NEGR1: variants seen among roughly 807,000 people sequenced by gnomAD.
NEGR1 encodes IgLON family member 4.
Under a neutral mutation model 40.9 loss-of-function variants are expected in NEGR1, and 10 were observed. That is an observed-to-expected ratio of 0.24 (90% CI 0.15 to 0.42). The LOEUF (loss-of-function observed/expected upper bound fraction) is 0.42, where lower values mean the gene tolerates loss of function less well. Among genes scored for constraint, NEGR1 ranks in the 10% least tolerant of loss-of-function variants. NEGR1 has a pLI of 1.00. For missense variants in NEGR1, 352 were observed against 438.9 expected (o/e 0.80, Z 1.77); for synonymous variants, 185 against 166.8 (o/e 1.11, Z -0.84).
At chr1:72,269,775 T>C (rs12137231) in intron 1 of NEGR1, among the ~76,000 whole-genome samples, 52,623 of 151,200 alleles carry the variant, frequency 0.35, 11,422 homozygotes, top group Non-Finnish European at 0.49. Flanking sequence ...ATATCTATAG[T>C]AGTTTTAAAA....
At chr1:71,728,539 A>G (rs1654749913) in intron 3 of NEGR1, among the ~76,000 whole-genome samples, 1 of 152,068 alleles carries the variant, frequency 6.6e-6, no homozygotes, top group South Asian at 2.1e-4. Flanking sequence ...CATGTTCTCA[A>G]CATATTTTTT....
intron 3 of NEGR1, among the ~76,000 whole-genome samples, chr1:71,700,258 A>G (rs1272054621): frequency 6.6e-6 from 1 of 152,024 alleles, no homozygotes; most frequent in African/African-American, 2.4e-5. Context: ...GAATAAGATT[A>G]TGATAGTTAA....
At chr1:72,012,386 T>C (rs1268930712) in intron 1 of NEGR1, among the ~76,000 whole-genome samples, 1 of 152,036 alleles carries the variant, frequency 6.6e-6, no homozygotes, top group Non-Finnish European at 1.5e-5. Context: ...AAAGATATTA[T>C]AAAAGTGTCA....
intron 6 of NEGR1, among the ~76,000 whole-genome samples, chr1:71,439,296 G>C (rs759979698): frequency 2.6e-5 from 4 of 152,158 alleles, no homozygotes; most frequent in Non-Finnish European, 4.4e-5. Context: ...ACGAGCAAAA[G>C]TGGAAGGTGT....
intron 1 of NEGR1, chr1:72,274,847 C>T: frequency 6.4e-7 from 1 of 1,568,156 alleles, no homozygotes; most frequent in Non-Finnish European, 8.8e-7. Flanking sequence ...CTCAGCCACC[C>T]CATCAAGAAC....
chr1:72,211,012 A>G (rs1253254094), intron 1 of NEGR1, among the ~76,000 whole-genome samples: 11 of 151,810 alleles, frequency 7.2e-5, no homozygotes, highest in Admixed American at 2.0e-4. Flanking sequence ...GAAATTATAT[A>G]CAATAAACAT....
intron 1 of NEGR1, among the ~76,000 whole-genome samples, chr1:72,240,922 C>A (rs1654712079): frequency 6.6e-6 from 1 of 151,566 alleles, no homozygotes; most frequent in Non-Finnish European, 1.5e-5. Context: ...TGTTTCCTAA[C>A]TTTAAACAGT....
At chr1:71,677,252 T>C (rs1376449845) in intron 4 of NEGR1, among the ~76,000 whole-genome samples, 2 of 152,158 alleles carry the variant, frequency 1.3e-5, no homozygotes, top group Admixed American at 1.3e-4. Flanking sequence ...GAGCCATTTG[T>C]TCCCACAATC....
intron 1 of NEGR1, among the ~76,000 whole-genome samples, chr1:72,266,135 G>C: frequency 6.6e-6 from 1 of 150,748 alleles, no homozygotes; most frequent in Non-Finnish European, 1.5e-5. Flanking sequence ...TATATTTACA[G>C]AAAAGTGTGC....
chr1:72,040,869 A>G (rs898401846), intron 1 of NEGR1, among the ~76,000 whole-genome samples: 6 of 151,954 alleles, frequency 3.9e-5, no homozygotes, highest in Admixed American at 2.0e-4. Context: ...CAGGACATCA[A>G]TTTTATAATC....
chr1:71,972,976 A>C (rs1646270398), intron 1 of NEGR1, among the ~76,000 whole-genome samples: 2 of 152,310 alleles, frequency 1.3e-5, no homozygotes, highest in African/African-American at 4.8e-5. Flanking sequence ...TCCCTCGCAG[A>C]GGTAAGTGAA....
intron 6 of NEGR1, among the ~76,000 whole-genome samples, chr1:71,550,144 G>A (rs191787578): frequency 6.6e-6 from 1 of 151,672 alleles, no homozygotes; most frequent in East Asian, 2.0e-4. Flanking sequence ...CAGTCTTTGA[G>A]TTTTTTTAGC....
intron 1 of NEGR1, among the ~76,000 whole-genome samples, chr1:72,044,393 AT>A (rs906033716): frequency 2.6e-5 from 4 of 151,198 alleles, no homozygotes; most frequent in East Asian, 3.9e-4. Context: ...AGAAGAAACT[AT>A]TTTTTTCTGG....
intron 2 of NEGR1, among the ~76,000 whole-genome samples, chr1:71,853,522 T>C (rs1337434808): frequency 6.6e-6 from 1 of 152,076 alleles, no homozygotes; most frequent in East Asian, 1.9e-4. Context: ...TGCCTTTGTC[T>C]TGAAAAATGC....
intron 2 of NEGR1, among the ~76,000 whole-genome samples, chr1:71,791,386 C>T (rs1284614019): frequency 6.6e-6 from 1 of 152,010 alleles, no homozygotes; most frequent in Non-Finnish European, 1.5e-5. Flanking sequence ...TGGTCTGCTA[C>T]TGCATATCTC....
chr1:72,078,637 A>ATAT (rs1372693481), intron 1 of NEGR1, among the ~76,000 whole-genome samples: 8 of 136,740 alleles, frequency 5.9e-5, no homozygotes, highest in Admixed American at 4.4e-4. Flanking sequence ...ATATATATAT[A>ATAT]TTTATTTATT....
chr1:71,879,611 T>C (rs1186194907), intron 2 of NEGR1, among the ~76,000 whole-genome samples: 2 of 152,150 alleles, frequency 1.3e-5, no homozygotes, highest in Admixed American at 6.5e-5. Context: ...CCTCTAAACA[T>C]GCAAAAAAGT....
intron 1 of NEGR1, among the ~76,000 whole-genome samples, chr1:72,267,978 T>C (rs1035651145): frequency 6.6e-6 from 1 of 151,070 alleles, no homozygotes; most frequent in East Asian, 1.9e-4. Flanking sequence ...AAGAAAAGCA[T>C]CCCAGATGGA....
chr1:71,681,885 G>T (rs995538297), intron 4 of NEGR1, among the ~76,000 whole-genome samples: 1 of 152,132 alleles, frequency 6.6e-6, no homozygotes, highest in Non-Finnish European at 1.5e-5. Context: ...GGTGTGCAGT[G>T]GTGTGATCTC....
Sources: gnomAD v4.1 joint callset for allele counts (sites outside exome capture counted in the v4.1 genomes callset) on GRCh38, gnomAD v4.1.1 for gene constraint, MANE v1.5 for transcripts, NCBI Gene and HGNC (gene_info 2026-07-23, HGNC 2026-07-21) for gene names.